Variants in PXT1 observed in about 807,000 individuals in gnomAD.
PXT1 encodes the protein peroxisomal testis enriched protein 1, also known as peroxisomal testis-specific protein 1.
A neutral mutation model predicts 11.0 loss-of-function variants in PXT1; 11 were observed. The ratio of observed to expected loss-of-function variants is 1.00; its 90% CI spans 0.63 to 1.66. The LOEUF (loss-of-function observed/expected upper bound fraction) is 1.66. Ranked by LOEUF, PXT1 falls within the 40% of genes most tolerant of loss-of-function variation. The pLI is 0.00. For synonymous variants in PXT1, 43 were observed against 51.4 expected (o/e 0.84, Z 0.70); for missense variants, 141 against 155.5 (o/e 0.91, Z 0.49).
intron 3 of PXT1, among the ~76,000 whole-genome samples, chr6:36,415,881 G>C (rs1390018910): frequency 6.6e-6 from 1 of 152,186 alleles, no homozygotes; most frequent in Non-Finnish European, 1.5e-5. Flanking sequence ...CAGGACAGGA[G>C]ATAAGATATG....
intron 3 of PXT1, among the ~76,000 whole-genome samples, chr6:36,415,516 A>G (rs1215132899): frequency 6.6e-6 from 1 of 152,198 alleles, no homozygotes; most frequent in Non-Finnish European, 1.5e-5. Context: ...TAAGTATAAG[A>G]AAAGAGAACT....
intron 3 of PXT1, among the ~76,000 whole-genome samples, chr6:36,413,201 G>A (rs771638706): frequency 9.2e-5 from 14 of 151,744 alleles, no homozygotes; most frequent in Middle Eastern, 6.8e-3. Context: ...GGCGGATCAC[G>A]AGGTCAGGAG....
At chr6:36,418,195 C>CAA (rs1238997012) in intron 3 of PXT1, among the ~76,000 whole-genome samples, 14 of 125,012 alleles carry the variant, frequency 1.1e-4, no homozygotes, top group East Asian at 4.5e-4. Context: ...GACTCCGTCT[C>CAA]AAAAAAAAAA....
intron 3 of PXT1, among the ~76,000 whole-genome samples, chr6:36,407,753 C>A (rs1257271084): frequency 6.6e-6 from 1 of 152,068 alleles, no homozygotes; most frequent in Non-Finnish European, 1.5e-5. Context: ...AAGGTATAGC[C>A]TATTGCTCCT....
chr6:36,439,282 G>A (rs1056928364), intron 1 of PXT1, among the ~76,000 whole-genome samples: 12 of 151,482 alleles, frequency 7.9e-5, no homozygotes, highest in African/African-American at 2.9e-4. Flanking sequence ...ACAGGCGTCC[G>A]GCCTATTTTC....
intron 3 of PXT1, among the ~76,000 whole-genome samples, chr6:36,417,386 G>A (rs1774463610): frequency 6.6e-6 from 1 of 151,918 alleles, no homozygotes. Flanking sequence ...ATGAGAAAAA[G>A]AGAGGGTGCA....
chr6:36,404,291 G>A (rs187274811), intron 3 of PXT1, among the ~76,000 whole-genome samples: 3 of 152,328 alleles, frequency 2.0e-5, no homozygotes, highest in African/African-American at 2.4e-5. Context: ...CACGGATCAC[G>A]TATACAATGG....
intron 3 of PXT1, among the ~76,000 whole-genome samples, chr6:36,412,213 G>C (rs772551673): frequency 4.6e-5 from 7 of 151,868 alleles, no homozygotes; most frequent in Non-Finnish European, 8.8e-5. Context: ...TTAGCCAGGC[G>C]TGGTGGCGTG....
At chr6:36,401,901 T>C (rs1020100914) in intron 3 of PXT1, among the ~76,000 whole-genome samples, 1 of 148,416 alleles carries the variant, frequency 6.7e-6, no homozygotes, top group African/African-American at 2.5e-5. Context: ...TGTGTATATA[T>C]ATATAATGGA....
chr6:36,416,118 T>G (rs1441673220), intron 3 of PXT1, among the ~76,000 whole-genome samples: 2 of 151,670 alleles, frequency 1.3e-5, no homozygotes, highest in African/African-American at 4.9e-5. Flanking sequence ...GAGGATCACT[T>G]GAGCCCAAGA....
chr6:36,391,671 G>T lies in PXT1; in HGVS notation c.*99C>A, dbSNP rs759216555. The T allele has an allele frequency of 1.2e-4, 103 of 833,402 alleles. No individual in the cohort carries two copies. Among genetic ancestry groups the T allele is most frequent in the Non-Finnish European group, 1.9e-4 (92 of 485,754 alleles). 51.6% of individuals were successfully genotyped at this position (833,402 alleles called of 1,614,324 possible). Reference sequence around the variant, plus strand: ...ACAGTGATGGGTACAAAAAGAGGGAGACGGAGAAGGGTGTTCTTCCCATCT... The same window carrying T: ...ACAGTGATGGGTACAAAAAGAGGGATACGGAGAAGGGTGTTCTTCCCATCT... On this transcript the variant is annotated 3_prime_UTR_variant, in exon 5 of 5. Coordinates refer to ENST00000454782, the MANE Select transcript of PXT1 (RefSeq NM_152990.4).
chr6:36,390,906 C>T lies in PXT1; in HGVS notation c.*864G>A, dbSNP rs1774056655. 1 of 152,230 alleles carries T rather than the reference C, an allele frequency of 6.6e-6. No homozygotes were observed. The highest frequency in any genetic ancestry group is 1.5e-5 in the Non-Finnish European group (1 of 68,058). The allele number at this position is 152,230 out of a possible 1,614,324, so 9.4% of individuals were successfully genotyped here. A position where few individuals can be genotyped will look rare whatever the true frequency, so the allele number is the denominator to read the frequency against. ...TAACTCTTTCAGGTCTTACATTCTTCTAGAAGGCAGGACTGTTGGCCAAGG... is the reference window on the plus strand; with the variant it reads ...TAACTCTTTCAGGTCTTACATTCTTTTAGAAGGCAGGACTGTTGGCCAAGG... On this transcript the variant is annotated 3_prime_UTR_variant, in exon 5 of 5. Coordinates refer to ENST00000454782, the MANE Select transcript of PXT1 (RefSeq NM_152990.4).
rs752228406 is a variant in PXT1 at position 36,392,000 on chromosome 6, T to G, written c.301-126A>C. On this transcript the variant is annotated intron_variant, in intron 4 of 4. Transcript: ENST00000454782. Reference sequence around the variant, plus strand: ...TCAATCCATGCTGCAAACAAGCTTCTTGGGTTGCTTTATGAATTGTATGAG... The same window carrying G: ...TCAATCCATGCTGCAAACAAGCTTCGTGGGTTGCTTTATGAATTGTATGAG... The G allele has an allele frequency of 2.6e-5, 17 of 655,772 alleles. No individual in the cohort carries two copies. The African/African-American group carries it at 3.1e-4, about 12-fold the overall frequency. The allele number at this position is 655,772 out of a possible 1,614,324, so 40.6% of individuals were successfully genotyped here.
chr6:36,422,847 C>G (rs921460058), intron 3 of PXT1, among the ~76,000 whole-genome samples: 1 of 152,174 alleles, frequency 6.6e-6, no homozygotes, highest in African/African-American at 2.4e-5. Flanking sequence ...ATTTATTTAG[C>G]CCTTTCCCAT....
intron 4 of PXT1, among the ~76,000 whole-genome samples, chr6:36,394,558 A>G (rs982708549): frequency 2.6e-5 from 4 of 151,910 alleles, no homozygotes; most frequent in Non-Finnish European, 4.4e-5. Flanking sequence ...CCCGGTGACA[A>G]CTCTGTTGGG....
Position 36,400,549 on chromosome 6 carries a change from T to C in PXT1, c.205A>G (p.Ile69Val). ...NLLSQPKEHSIVQKHHQEEII... is the reference protein window; with the variant it reads ...NLLSQPKEHSVVQKHHQEEII... ...TCCTCCTGGTGATGCTTCTGAACAA[T>C]GCTATGCTCCTTGGGCTGAGAAAGT... The change falls in exon 4 of 5, where the codon ATT (isoleucine) becomes GTT (valine). Residue 69 changes from isoleucine (I) to valine (V), a missense_variant. Coordinates refer to ENST00000454782, the MANE Select transcript of PXT1 (RefSeq NM_152990.4). 6.2e-7 allele frequency: 1 copy of C among 1,613,888 alleles called. No individual in the cohort carries two copies. Among genetic ancestry groups the C allele is most frequent in the Non-Finnish European group, 8.5e-7 (1 of 1,179,894 alleles).
rs61251776 is a variant in PXT1 at position 36,407,957 on chromosome 6, C to CTT, written c.170-7375_170-7374dup. 2.7e-3 allele frequency among the ~76,000 whole-genome samples: 368 copies of CTT among 136,140 alleles called. 4 individuals are homozygous for CTT. Among genetic ancestry groups the CTT allele is most frequent in the African/African-American group, 6.2e-3 (229 of 36,928 alleles). 89.3% of individuals were successfully genotyped at this position (136,140 alleles called of 152,430 possible). On this transcript the variant is annotated intron_variant, in intron 3 of 4. Transcript: ENST00000454782. ...TGGTTAATCCTTTTTCTTTTTCTTT[C>CTT]TTTTTTTTTTTTTTTGAGATGGAGT...
chr6:36,395,121 G>A (rs193077816), intron 4 of PXT1, among the ~76,000 whole-genome samples: 4 of 152,128 alleles, frequency 2.6e-5, no homozygotes, highest in Admixed American at 2.0e-4. Flanking sequence ...CACTGTGCCC[G>A]GCCTAAAAGA....
At chr6:36,439,392 A>T (rs1050914178) in intron 1 of PXT1, among the ~76,000 whole-genome samples, 1 of 151,640 alleles carries the variant, frequency 6.6e-6, no homozygotes, top group Non-Finnish European at 1.5e-5. Context: ...CGGGTGGATC[A>T]TCTGAGGTCA....
Sources: allele counts gnomAD v4.1 joint callset (sites outside exome capture counted in the v4.1 genomes callset), GRCh38; gene constraint gnomAD v4.1.1; transcripts MANE v1.5; gene names NCBI Gene and HGNC (gene_info 2026-07-23, HGNC 2026-07-21).